Variants in PLBD2 observed in about 807,000 individuals in gnomAD.
PLBD2 encodes phospholipase B domain containing 2.
A neutral mutation model predicts 68.3 loss-of-function variants in PLBD2; 51 were observed. The ratio of observed to expected loss-of-function variants is 0.75; its 90% CI spans 0.60 to 0.94. PLBD2 has a LOEUF of 0.94. PLBD2 is among the 40% of genes least tolerant of loss of function. The pLI, the probability that PLBD2 is intolerant of heterozygous loss-of-function variation, is 0.00. For synonymous variants in PLBD2, 314 were observed against 339.3 expected, an observed-to-expected ratio of 0.93 and a Z score of 0.82; for missense variants, 729 against 792.2, an observed-to-expected ratio of 0.92 and a Z score of 0.96.
At chr12:113,371,522 T>C (rs1486937380) in intron 2 of PLBD2, among the ~76,000 whole-genome samples, 3 of 152,144 alleles carry the variant, frequency 2.0e-5, no homozygotes, top group African/African-American at 7.2e-5. Flanking sequence ...TCTGGGGAAG[T>C]GGTCAGATGC....
At chr12:113,381,320 C>T (rs1957488329) in intron 6 of PLBD2, among the ~76,000 whole-genome samples, 1 of 151,856 alleles carries the variant, frequency 6.6e-6, no homozygotes, top group Non-Finnish European at 1.5e-5. Flanking sequence ...CTGACCTGAC[C>T]AGGTTTGCTG....
chr12:113,387,207 G>C (rs953740206), intron 10 of PLBD2, 118 bp downstream of exon 10: 3 of 1,323,936 alleles, frequency 2.3e-6, no homozygotes, highest in African/African-American at 3.0e-5. Flanking sequence ...GGGCCAGCAG[G>C]GGGTGGTCAG....
chr12:113,374,814 C>T lies in PLBD2; in HGVS notation c.666C>T (p.Asp222=). The T allele has an allele frequency of 1.2e-6, 2 of 1,613,754 alleles. No individual in the cohort carries two copies. Among genetic ancestry groups the T allele is most frequent in the South Asian group, 2.2e-5 (2 of 91,084 alleles). The change falls in exon 5 of 12, where the codon GAC becomes GAT. Residue 222 remains aspartate (D), a synonymous_variant. Coordinates refer to ENST00000280800, the MANE Select transcript of PLBD2 (RefSeq NM_173542.4). ...LGFLLLQLSG[D]LEDLELALNK... is the part of the protein sequence containing the mutation. The stretch of plus-strand genomic sequence containing the variant: ...TCAGCCTGCTGCAGCTCTCTGGGGA[C>T]CTGGAAGACCTGGAGCTGGCCCTGA...
rs564045908 is a variant in PLBD2 at position 113,387,893 on chromosome 12, G to T, written c.1589G>T (p.Gly530Val). Residue 530 changes from glycine to valine, a missense_variant, in exon 11 of 12, where the codon GGT (glycine) becomes GTT (valine). By Grantham distance (109) the Gly-to-Val change is moderately radical. Coordinates refer to ENST00000280800, the MANE Select transcript of PLBD2 (RefSeq NM_173542.4). ...GCCCTGCGTCAGCGCTCCCATGGGG[G>T]TATCGATGTGAAGGTGCTGCCTCCT... is the stretch of plus-strand genomic sequence containing the variant. Reference protein sequence around the residue: ...FQALRQRSHGGIDVKVTSMSL... With the variant: ...FQALRQRSHGVIDVKVTSMSL... 3.1e-6 allele frequency: 5 copies of T among 1,614,148 alleles called. No individual in the cohort carries two copies. The highest frequency in any genetic ancestry group is 2.7e-5 in the African/African-American group (2 of 75,056).
At chr12:113,383,308 G>A (rs1237283481) in intron 6 of PLBD2, among the ~76,000 whole-genome samples, 1 of 152,188 alleles carries the variant, frequency 6.6e-6, no homozygotes, top group Admixed American at 6.5e-5. Context: ...CTTGGTGAGG[G>A]AGTGGGTTCA....
Position 113,385,290 on chromosome 12 carries a change from G to A in PLBD2, c.1286+7G>A, listed in dbSNP as rs779877010. On this transcript the variant is annotated splice_region_variant and intron_variant, in intron 9 of 11. Coordinates refer to ENST00000280800, the MANE Select transcript of PLBD2 (RefSeq NM_173542.4). ...GGGCCAGCTACAACATACCGTGCGT[G>A]CCTTCTCACTCCGCTCCCCGTCACC... The A allele has an allele frequency of 6.2e-7, 1 of 1,613,580 alleles. No homozygotes were observed. Among genetic ancestry groups the A allele is most frequent in the Non-Finnish European group, 8.5e-7 (1 of 1,179,522 alleles).
chr12:113,364,909 C>T (rs1332593589), intron 1 of PLBD2, among the ~76,000 whole-genome samples: 2 of 152,108 alleles, frequency 1.3e-5, no homozygotes, highest in Non-Finnish European at 2.9e-5. Context: ...AAGCAGTTTG[C>T]CCAAAGGTAC....
intron 1 of PLBD2, chr12:113,359,416 T>C (rs1436017399): frequency 6.5e-6 from 1 of 152,846 alleles, no homozygotes; most frequent in Non-Finnish European, 1.5e-5. Context: ...GGTTCCAGGC[T>C]AGTCCAAAAG....
chr12:113,383,642 C>G (rs1480587858), intron 6 of PLBD2, among the ~76,000 whole-genome samples: 1 of 151,600 alleles, frequency 6.6e-6, no homozygotes, highest in Non-Finnish European at 1.5e-5. Flanking sequence ...ACCATGTTGG[C>G]CAGGCTGGTC....
Position 113,385,293 on chromosome 12 carries a change from T to G in PLBD2, c.1286+10T>G. On this transcript the variant is annotated intron_variant, in intron 9 of 11. Transcript: ENST00000280800. The stretch of plus-strand genomic sequence containing the variant: ...CCAGCTACAACATACCGTGCGTGCC[T>G]TCTCACTCCGCTCCCCGTCACCCTC... The G allele has an allele frequency of 1.2e-6, 2 of 1,612,654 alleles. No homozygotes were observed. Among genetic ancestry groups the G allele is most frequent in the African/African-American group, 1.3e-5 (1 of 75,032 alleles).
chr12:113,380,141 T>G (rs1199068787), intron 5 of PLBD2, among the ~76,000 whole-genome samples: 2 of 152,108 alleles, frequency 1.3e-5, no homozygotes, highest in Non-Finnish European at 2.9e-5. Flanking sequence ...ATTTATTTAT[T>G]TATTTATTTT....
In PLBD2 at chr12:113,384,282, C is replaced by A; in HGVS notation, c.1118+17C>A. On this transcript the variant is annotated intron_variant, in intron 7 of 11. Coordinates refer to ENST00000280800, the MANE Select transcript of PLBD2 (RefSeq NM_173542.4). This position sits in a 1 kb window ranked among gnomAD's most constrained non-coding sequence, Gnocchi z 4.2. ...CAGCGGCACGTGAGTGGGCTTCTGG[C>A]CCTGTGGCTTCCCCTGCACCAAGAG... 6.3e-7 allele frequency: 1 copy of A among 1,599,018 alleles called. No homozygotes were observed. The highest frequency in any genetic ancestry group is 1.1e-5 in the South Asian group (1 of 88,808).
Position 113,384,972 on chromosome 12 carries a change from G to A in PLBD2, c.1214+26G>A. 1.9e-6 allele frequency: 3 copies of A among 1,577,576 alleles called. No individual in the cohort carries two copies. Among genetic ancestry groups the A allele is most frequent in the South Asian group, 1.1e-5 (1 of 88,306 alleles). On this transcript the variant is annotated intron_variant, in intron 8 of 11. Transcript: ENST00000280800. This position sits in a 1 kb window ranked among gnomAD's most constrained non-coding sequence, Gnocchi z 4.2. ...GTGCGTACCCTGGGAGGGAGGGGTG[G>A]GGGCTCGGGGCAGAGGGGACTGCCA...
chr12:113,370,619 A>G lies in PLBD2; in HGVS notation c.384+1410A>G, dbSNP rs1957381643. On this transcript the variant is annotated intron_variant, in intron 2 of 11. Transcript: ENST00000280800. Reference sequence around the variant, plus strand: ...CAGCCTCCAGAGTAGCTGGAATTACAGGCATGCACCACCACGTCTGGCTAG... The same window carrying G: ...CAGCCTCCAGAGTAGCTGGAATTACGGGCATGCACCACCACGTCTGGCTAG... Among the ~76,000 whole-genome samples, 4 of 151,616 alleles carry G rather than the reference A, an allele frequency of 2.6e-5. No individual in the cohort carries two copies. The South Asian group carries it at 8.3e-4, about 32-fold the overall frequency.
At chr12:113,364,076 G>A (rs763565911) in intron 1 of PLBD2, among the ~76,000 whole-genome samples, 1 of 152,202 alleles carries the variant, frequency 6.6e-6, no homozygotes, top group Non-Finnish European at 1.5e-5. Flanking sequence ...TGGGTGTTTC[G>A]GGAAGGCCCG....
intron 1 of PLBD2, 92 bp from the exon 2 acceptor site, chr12:113,369,023 CA>C: frequency 1.3e-6 from 1 of 777,258 alleles, no homozygotes; most frequent in Non-Finnish European, 2.1e-6. Context: ...GTCTACTGAC[CA>C]CTGTGTTGTT....
rs1265682500 is a variant in PLBD2, at chr12:113,391,169, G to A, written c.*2543G>A. On this transcript the variant is annotated 3_prime_UTR_variant, in exon 12 of 12. Coordinates refer to ENST00000280800, the MANE Select transcript of PLBD2 (RefSeq NM_173542.4). ...ATACAAAAAAAAAGGCTCTCTCCCT[G>A]TCTGATCTCATGCAGCCTGCCTTGG... 1.3e-5 allele frequency: 2 copies of A among 152,050 alleles called. No homozygotes were observed. The highest frequency in any genetic ancestry group is 1.9e-4 in the East Asian group (1 of 5,182). The allele number at this position is 152,050 out of a possible 1,614,324, so 9.4% of individuals were successfully genotyped here.
At position 113,391,396 on chromosome 12, in the gene PLBD2, C is replaced by T. The variant is rs1957609486; in HGVS notation, c.*2770C>T. On this transcript the variant is annotated 3_prime_UTR_variant, in exon 12 of 12. Transcript: ENST00000280800. ...GGATGTGATGCAGCCCACTTGGGGC[C>T]TCATGCACTCAGCATCTCTTTATTA... 6.6e-6 allele frequency: 1 copy of T among 152,254 alleles called. No homozygotes were observed. Among genetic ancestry groups the T allele is most frequent in the Non-Finnish European group, 1.5e-5 (1 of 68,060 alleles). 9.4% of individuals were successfully genotyped at this position (152,254 alleles called of 1,614,324 possible).
chr12:113,359,777 C>T (rs1957272998), intron 1 of PLBD2, among the ~76,000 whole-genome samples: 1 of 152,120 alleles, frequency 6.6e-6, no homozygotes, highest in Non-Finnish European at 1.5e-5. Flanking sequence ...TGTCTCTACT[C>T]AGTGGGAAAC....
Sources: allele counts gnomAD v4.1 joint callset (sites outside exome capture counted in the v4.1 genomes callset), GRCh38; gene constraint gnomAD v4.1.1; non-coding constraint Gnocchi (gnomAD v3.1); transcripts MANE v1.5; gene names NCBI Gene and HGNC (gene_info 2026-07-23, HGNC 2026-07-21).